Variants in PDE3A observed in about 807,000 individuals in gnomAD.
PDE3A encodes phosphodiesterase 3A.
A neutral mutation model predicts 98.3 loss-of-function variants in PDE3A; 43 were observed. The observed-to-expected ratio is 0.44, with a 90% CI of 0.34 to 0.56. PDE3A has a LOEUF of 0.56. PDE3A is among the 20% of genes least tolerant of loss of function. PDE3A has a pLI of 0.01. For synonymous variants in PDE3A, 663 were observed against 567.9 expected (o/e 1.17, Z -2.38); for missense variants, 1,427 against 1,440.7 (o/e 0.99, Z 0.15).
chr12:20,580,662 A>G (rs1181410213), intron 2 of PDE3A, among the ~76,000 whole-genome samples: 1 of 152,132 alleles, frequency 6.6e-6, no homozygotes, highest in Non-Finnish European at 1.5e-5. Context: ...CTTTCTATTG[A>G]TCATGGGGCT....
intron 1 of PDE3A, among the ~76,000 whole-genome samples, chr12:20,488,051 T>C (rs568636206): frequency 1.8e-4 from 27 of 152,278 alleles, no homozygotes; most frequent in African/African-American, 6.0e-4. Flanking sequence ...TCTATAGCGT[T>C]ACCCAGGAGC....
intron 2 of PDE3A, 78 bp downstream of exon 2, chr12:20,556,788 T>A: frequency 9.8e-7 from 1 of 1,024,592 alleles, no homozygotes; most frequent in Admixed American, 1.7e-5. Context: ...ACTCAAGAGA[T>A]AATAAAATGT....
chr12:20,615,492 C>G (rs1476178967), intron 3 of PDE3A, among the ~76,000 whole-genome samples: 1 of 152,000 alleles, frequency 6.6e-6, no homozygotes, highest in Non-Finnish European at 1.5e-5. Context: ...ATAATAAAGT[C>G]AATAATACTT....
At chr12:20,550,019 A>G (rs1490321663) in intron 1 of PDE3A, among the ~76,000 whole-genome samples, 1 of 152,200 alleles carries the variant, frequency 6.6e-6, no homozygotes, top group African/African-American at 2.4e-5. Context: ...TAAAATCGTC[A>G]TCGTTAAGAT....
Position 20,663,018 on chromosome 12 carries a change from C to T in PDE3A, c.3184+8813C>T, listed in dbSNP as rs115372606. Among the ~76,000 whole-genome samples the T allele has an allele frequency of 4.5e-3, 683 of 152,280 alleles. 5 individuals are homozygous for T. Among genetic ancestry groups the T allele is most frequent in the African/African-American group, 0.015 (625 of 41,552 alleles). ...TGTGTGCAGCCTAGGGACTTGGTGC[C>T]GTGAGTCCCAGCTGTTTCAGCCATG... On this transcript the variant is annotated intron_variant, in intron 15 of 15. Coordinates refer to ENST00000359062, the MANE Select transcript of PDE3A (RefSeq NM_000921.5).
intron 1 of PDE3A, among the ~76,000 whole-genome samples, chr12:20,477,496 A>C (rs772235442): frequency 4.6e-5 from 7 of 152,178 alleles, no homozygotes; most frequent in Non-Finnish European, 7.3e-5. Context: ...TGGTAGAGTC[A>C]TAAAGAACAG....
chr12:20,667,986 T>G (rs1000235124), intron 15 of PDE3A, among the ~76,000 whole-genome samples: 1 of 152,018 alleles, frequency 6.6e-6, no homozygotes, highest in East Asian at 1.9e-4. Flanking sequence ...GGTCAGTGGG[T>G]GCGCGCACCG....
intron 1 of PDE3A, among the ~76,000 whole-genome samples, chr12:20,420,012 C>T (rs943387732): frequency 2.0e-5 from 3 of 151,908 alleles, no homozygotes; most frequent in Admixed American, 6.6e-5. Flanking sequence ...AGAGCCAAAC[C>T]GTATCGAATA....
At chr12:20,601,631 C>T (rs1943594271) in intron 2 of PDE3A, among the ~76,000 whole-genome samples, 1 of 152,252 alleles carries the variant, frequency 6.6e-6, no homozygotes, top group South Asian at 2.1e-4. Flanking sequence ...AACGTAACAA[C>T]TAAAATGTTT....
intron 1 of PDE3A, among the ~76,000 whole-genome samples, chr12:20,373,335 T>C (rs1047986944): frequency 1.3e-5 from 2 of 152,038 alleles, no homozygotes; most frequent in African/African-American, 4.8e-5. Context: ...AGCAGATATG[T>C]CTCTCTCAAA....
rs995137249 is a variant in PDE3A, at chr12:20,553,993, A to AT, written c.961-2658dup. ...AACTTACAAGAGGGTTTTTTTTTTA[A>AT]TTTTTTTTTCTCTTAATGAACACAT... On this transcript the variant is annotated intron_variant, in intron 1 of 15. Coordinates refer to ENST00000359062, the MANE Select transcript of PDE3A (RefSeq NM_000921.5). 1.5e-4 allele frequency among the ~76,000 whole-genome samples: 22 copies of AT among 147,864 alleles called. No individual in the cohort carries two copies. In the East Asian group the frequency reaches 2.9e-3, roughly 19 times the overall value.
chr12:20,571,442 GCA>G (rs1942800508), intron 2 of PDE3A, among the ~76,000 whole-genome samples: 1 of 152,024 alleles, frequency 6.6e-6, no homozygotes, highest in Admixed American at 6.6e-5. Flanking sequence ...GTTGTGCAGC[GCA>G]CAACACTCAC....
intron 1 of PDE3A, among the ~76,000 whole-genome samples, chr12:20,439,923 A>C (rs2120838053): frequency 6.6e-6 from 1 of 152,252 alleles, no homozygotes; most frequent in Non-Finnish European, 1.5e-5. Context: ...TTTTGATTAA[A>C]TAACTCTACA....
chr12:20,595,416 A>G (rs555396334), intron 2 of PDE3A, among the ~76,000 whole-genome samples: 17 of 152,246 alleles, frequency 1.1e-4, no homozygotes, highest in Non-Finnish European at 1.5e-4. Flanking sequence ...CAGAGAGTCA[A>G]TCATGATAGC....
chr12:20,530,751 C>T (rs1946610647), intron 1 of PDE3A, among the ~76,000 whole-genome samples: 1 of 151,994 alleles, frequency 6.6e-6, no homozygotes, highest in African/African-American at 2.4e-5. Context: ...ACAAATTAAA[C>T]AATGGAACAA....
chr12:20,370,388 GGTTTTTTTTTT>G (rs1943447022), intron 1 of PDE3A, 144 bp downstream of exon 1: 3 of 543,548 alleles, frequency 5.5e-6, no homozygotes, highest in Non-Finnish European at 8.5e-6. Flanking sequence ...GAAACTAGCA[GGTTTTTTTTTT>G]GTTTTTTTTG....
chr12:20,642,676 T>G (rs1944671929), intron 10 of PDE3A, among the ~76,000 whole-genome samples: 1 of 152,196 alleles, frequency 6.6e-6, no homozygotes, highest in African/African-American at 2.4e-5. Context: ...CATGTAGCTA[T>G]TTCATGGCAG....
chr12:20,441,016 A>G (rs768814630), intron 1 of PDE3A, among the ~76,000 whole-genome samples: 7 of 152,228 alleles, frequency 4.6e-5, no homozygotes, highest in Non-Finnish European at 7.3e-5. Context: ...ATTGTATGCC[A>G]GGATTGGATC....
chr12:20,387,079 T>C (rs982238402), intron 1 of PDE3A, among the ~76,000 whole-genome samples: 1 of 152,014 alleles, frequency 6.6e-6, no homozygotes, highest in Non-Finnish European at 1.5e-5. Context: ...GATCAGATGG[T>C]TGTAGATGTG....
Sources: gnomAD v4.1 joint callset for allele counts (sites outside exome capture counted in the v4.1 genomes callset) on GRCh38, gnomAD v4.1.1 for gene constraint, MANE v1.5 for transcripts, NCBI Gene and HGNC (gene_info 2026-07-23, HGNC 2026-07-21) for gene names.